The following SEC62 variants were observed in gnomAD, a reference collection of about 807,000 sequenced individuals.
SEC62 encodes the protein SEC62 preprotein translocation factor, also known as translocation protein SEC62.
Under a neutral mutation model 47.5 loss-of-function variants are expected in SEC62, and 10 were observed. That is an observed-to-expected ratio of 0.21 (90% CI 0.13 to 0.36). The LOEUF (loss-of-function observed/expected upper bound fraction) is 0.36. Among genes scored for constraint, SEC62 ranks in the 10% least tolerant of loss-of-function variants. The probability of loss-of-function intolerance (pLI) is 1.00; values close to 1 mark genes in which losing one functional copy is unlikely to be tolerated. For synonymous variants in SEC62, 136 were observed against 150.5 expected, an observed-to-expected ratio of 0.90 and a Z score of 0.71; for missense variants, 327 against 464.1, an observed-to-expected ratio of 0.70 and a Z score of 2.71.
chr3:169,970,002 G>C (rs1227827505), intron 1 of SEC62, among the ~76,000 whole-genome samples: 1 of 152,142 alleles, frequency 6.6e-6, no homozygotes, highest in Non-Finnish European at 1.5e-5. Flanking sequence ...GGGAAGAAAA[G>C]AGAAAATTTG....
At chr3:169,986,508 C>T (rs1435310262) in intron 6 of SEC62, among the ~76,000 whole-genome samples, 1 of 151,856 alleles carries the variant, frequency 6.6e-6, no homozygotes, top group Non-Finnish European at 1.5e-5. Context: ...GTTGCACAAA[C>T]GTACATGTGC....
At chr3:169,971,348 A>G (rs1411996775) in intron 1 of SEC62, among the ~76,000 whole-genome samples, 1 of 152,140 alleles carries the variant, frequency 6.6e-6, no homozygotes, top group Non-Finnish European at 1.5e-5. Flanking sequence ...TGGGGATTAC[A>G]GGGATGAGCC....
intron 7 of SEC62, among the ~76,000 whole-genome samples, chr3:169,990,820 A>G (rs1715232588): frequency 6.6e-6 from 1 of 152,210 alleles, no homozygotes; most frequent in Admixed American, 6.5e-5. Flanking sequence ...AAAAATTGCT[A>G]TTTTTAAAAG....
chr3:169,981,801 A>G (rs1302193653), intron 3 of SEC62, among the ~76,000 whole-genome samples: 1 of 152,196 alleles, frequency 6.6e-6, no homozygotes, highest in Non-Finnish European at 1.5e-5. Flanking sequence ...GGAGCAAACA[A>G]CTACTACAAA....
At chr3:169,984,860 T>C (rs981516747) in intron 5 of SEC62, among the ~76,000 whole-genome samples, 15 of 152,052 alleles carry the variant, frequency 9.9e-5, no homozygotes, top group African/African-American at 3.1e-4. Flanking sequence ...GAAATAAAAC[T>C]GAGTTTTATG....
intron 6 of SEC62, among the ~76,000 whole-genome samples, chr3:169,987,578 C>T (rs1715138975): frequency 6.6e-6 from 1 of 152,170 alleles, no homozygotes; most frequent in Non-Finnish European, 1.5e-5. Flanking sequence ...AGTTAAGTAA[C>T]TTGCCCAGGG....
intron 5 of SEC62, 101 bp downstream of exon 5, chr3:169,983,354 A>G: frequency 1.6e-6 from 1 of 614,934 alleles, no homozygotes. Flanking sequence ...GAGAAATCTA[A>G]TTATGCTCTT....
Position 169,992,187 on chromosome 3 carries a change from A to G in SEC62, c.731-407A>G, listed in dbSNP as rs1224195055. Among the ~76,000 whole-genome samples the G allele has an allele frequency of 6.6e-6, 1 of 152,234 alleles. No individual in the cohort carries two copies. Among genetic ancestry groups the G allele is most frequent in the Non-Finnish European group, 1.5e-5 (1 of 68,036 alleles). ...ATTGAAGCATAATATCACAAAGTAC[A>G]TAAATCAGAAGTGTATATCCATGTA... On this transcript the variant is annotated intron_variant, in intron 7 of 7. Coordinates refer to ENST00000337002, the MANE Select transcript of SEC62 (RefSeq NM_003262.4). This position sits in a 1 kb window ranked among gnomAD's most constrained non-coding sequence, Gnocchi z 4.0.
At chr3:169,986,086 G>A (rs1715100340) in intron 6 of SEC62, among the ~76,000 whole-genome samples, 1 of 152,050 alleles carries the variant, frequency 6.6e-6, no homozygotes, top group African/African-American at 2.4e-5. Context: ...AATGGTCAAG[G>A]TAGTTAACAG....
Position 169,982,693 on chromosome 3 carries a change from T to C in SEC62, c.252-14T>C. ...TATATGGGGAGTGTAATGCCATACC[T>C]GTTTTTCCCAAAGGCTTTTAAAGAA... On this transcript the variant is annotated splice_polypyrimidine_tract_variant and intron_variant, in intron 3 of 7. Transcript: ENST00000337002. 1 of 1,604,218 alleles carries C rather than the reference T, an allele frequency of 6.2e-7. No individual in the cohort carries two copies. The highest frequency in any genetic ancestry group is 2.2e-5 in the East Asian group (1 of 44,466).
chr3:169,970,348 T>C (rs1338311358), intron 1 of SEC62, among the ~76,000 whole-genome samples: 1 of 152,216 alleles, frequency 6.6e-6, no homozygotes, highest in Non-Finnish European at 1.5e-5. Context: ...GAACCAAGCC[T>C]TTTTCTTTTT....
intron 1 of SEC62, among the ~76,000 whole-genome samples, chr3:169,973,918 C>T (rs1297146444): frequency 1.3e-5 from 2 of 152,146 alleles, no homozygotes; most frequent in East Asian, 3.9e-4. Flanking sequence ...AGAGATGTAC[C>T]TGCCAGGAGA....
chr3:169,968,583 A>AAAT (rs1714614194), intron 1 of SEC62: 2 of 152,096 alleles, frequency 1.3e-5, no homozygotes. Context: ...ATTGCTGTGA[A>AAAT]AATAATAGGT....
At chr3:169,990,212 C>T (rs1414119760) in intron 7 of SEC62, among the ~76,000 whole-genome samples, 1 of 151,724 alleles carries the variant, frequency 6.6e-6, no homozygotes, top group East Asian at 1.9e-4. Context: ...AGCAGCCCTC[C>T]CACCTTAGCC....
chr3:169,977,655 A>G (rs1356316002), intron 3 of SEC62, among the ~76,000 whole-genome samples: 1 of 152,156 alleles, frequency 6.6e-6, no homozygotes. Flanking sequence ...TAAAAGACAA[A>G]ATCACCTTCC....
Position 169,988,233 on chromosome 3 carries a change from G to A in SEC62, c.611-7G>A, listed in dbSNP as rs1297451855. The A allele has an allele frequency of 1.2e-6, 2 of 1,612,916 alleles. No individual in the cohort carries two copies. The highest frequency in any genetic ancestry group is 2.2e-5 in the East Asian group (1 of 44,856). ...TAAAATTTAACTTTTGTCATTTCTT[G>A]TTCCAGTGATTGCAGTAATAGCGGC... On this transcript the variant is annotated splice_polypyrimidine_tract_variant and splice_region_variant and intron_variant, in intron 6 of 7. Transcript: ENST00000337002.
intron 2 of SEC62, 50 bp downstream of exon 2, chr3:169,975,766 A>C: frequency 7.8e-7 from 1 of 1,289,590 alleles, no homozygotes; most frequent in Non-Finnish European, 1.1e-6. Flanking sequence ...TTATGAAGTT[A>C]ACCTACATTT....
chr3:169,982,092 CAT>C (rs1714988379), intron 3 of SEC62, among the ~76,000 whole-genome samples: 2 of 148,658 alleles, frequency 1.3e-5, no homozygotes, highest in African/African-American at 5.2e-5. Context: ...AGGAATACAT[CAT>C]GTTTTGCCAA....
chr3:169,980,813 A>G (rs905951751), intron 3 of SEC62, among the ~76,000 whole-genome samples: 32 of 152,210 alleles, frequency 2.1e-4, no homozygotes, highest in Admixed American at 4.6e-4. Flanking sequence ...ATGTGTACAC[A>G]TGTACTCTTA....
Sources: gnomAD v4.1 joint callset for allele counts (sites outside exome capture counted in the v4.1 genomes callset) on GRCh38, gnomAD v4.1.1 for gene constraint, Gnocchi (gnomAD v3.1) non-coding constraint, MANE v1.5 for transcripts, NCBI Gene and HGNC (gene_info 2026-07-23, HGNC 2026-07-21) for gene names.